The following PCDH7 variants were observed in gnomAD, a reference collection of about 807,000 sequenced individuals.
PCDH7 encodes protocadherin 7.
PCDH7 carries 17 observed loss-of-function variants against 58.9 expected under a neutral mutation model. That is an observed-to-expected ratio of 0.29 (90% CI 0.20 to 0.43). PCDH7 has a LOEUF of 0.43. PCDH7 is among the 20% of genes least tolerant of loss of function. The probability of loss-of-function intolerance (pLI) is 1.00; values close to 1 mark genes in which losing one functional copy is unlikely to be tolerated. For missense variants in PCDH7, 1,274 were observed against 1,441.0 expected, an observed-to-expected ratio of 0.88 and a Z score of 1.88; for synonymous variants, 664 against 616.4, an observed-to-expected ratio of 1.08 and a Z score of -1.14.
intron 3 of PCDH7, among the ~76,000 whole-genome samples, chr4:30,984,556 T>C (rs1483806192): frequency 2.6e-5 from 4 of 152,210 alleles, no homozygotes; most frequent in Non-Finnish European, 5.9e-5. Context: ...GATTCTGTGA[T>C]CGTTACTGTA....
At chr4:30,902,968 G>A (rs1560485449) in intron 1 of PCDH7, among the ~76,000 whole-genome samples, 1 of 151,922 alleles carries the variant, frequency 6.6e-6, no homozygotes, top group African/African-American at 2.4e-5. Flanking sequence ...ATTTACTATT[G>A]GATAATACAT....
chr4:31,025,797 C>T (rs970981501), intron 3 of PCDH7, among the ~76,000 whole-genome samples: 3 of 152,084 alleles, frequency 2.0e-5, no homozygotes, highest in African/African-American at 4.8e-5. Flanking sequence ...GTCCAGTCTT[C>T]GTAAATGTAA....
chr4:30,838,336 A>G (rs1284679729), intron 1 of PCDH7, among the ~76,000 whole-genome samples: 6 of 152,042 alleles, frequency 3.9e-5, no homozygotes, highest in African/African-American at 1.2e-4. Flanking sequence ...TTTTAACTCA[A>G]TGACTAGATC....
At chr4:30,833,350 T>C (rs955533908) in intron 1 of PCDH7, among the ~76,000 whole-genome samples, 9 of 152,102 alleles carry the variant, frequency 5.9e-5, no homozygotes, top group African/African-American at 2.2e-4. Flanking sequence ...TTGGCTGTAT[T>C]CCTTGGCTTA....
intron 3 of PCDH7, among the ~76,000 whole-genome samples, chr4:31,142,207 C>T (rs1720346395): frequency 6.6e-6 from 1 of 151,810 alleles, no homozygotes; most frequent in Admixed American, 6.6e-5. Context: ...CTGTAACAAA[C>T]ACACATATAT....
At chr4:31,118,706 A>G (rs1478912204) in intron 3 of PCDH7, among the ~76,000 whole-genome samples, 2 of 152,194 alleles carry the variant, frequency 1.3e-5, no homozygotes, top group East Asian at 3.8e-4. Context: ...ACAGATGAAG[A>G]CCTTCTAACC....
At chr4:30,887,998 C>A (rs1738061059) in intron 1 of PCDH7, among the ~76,000 whole-genome samples, 1 of 151,888 alleles carries the variant, frequency 6.6e-6, no homozygotes, top group Non-Finnish European at 1.5e-5. Flanking sequence ...GCCTCAGCCT[C>A]CCGAGTAGCT....
chr4:31,029,575 G>A (rs1754727674), intron 3 of PCDH7, among the ~76,000 whole-genome samples: 1 of 152,158 alleles, frequency 6.6e-6, no homozygotes, highest in East Asian at 1.9e-4. Context: ...GACAAGTCTT[G>A]GCTCATAGCT....
At chr4:30,843,645 A>G (rs1227855223) in intron 1 of PCDH7, among the ~76,000 whole-genome samples, 1 of 152,206 alleles carries the variant, frequency 6.6e-6, no homozygotes, top group African/African-American at 2.4e-5. Context: ...CCAAACATCT[A>G]TCTGAACTAA....
intron 3 of PCDH7, among the ~76,000 whole-genome samples, chr4:31,084,614 G>A (rs1712077619): frequency 6.8e-6 from 1 of 147,370 alleles, no homozygotes; most frequent in Admixed American, 6.9e-5. Flanking sequence ...CATGGTGGCA[G>A]GCAAAGGGAG....
In PCDH7 at chr4:31,056,450, GAAAGAAAGAA is replaced by G. The variant is rs1560608497; in HGVS notation, c.*8-86022_*8-86013del. Among the ~76,000 whole-genome samples the G allele has an allele frequency of 4.4e-3, 328 of 74,746 alleles. 12 individuals are homozygous for G. Among genetic ancestry groups the G allele is most frequent in the African/African-American group, 0.018 (314 of 17,296 alleles). The allele number at this position is 74,746 out of a possible 152,430, so 49.0% of individuals were successfully genotyped here. On this transcript the variant is annotated intron_variant, in intron 3 of 3. Transcript: ENST00000509759. ...AAAGAAAAAGAAAGAAGGAAAGAAA[GAAAGAAAGAA>G]GAAAGAAAGAAAGAAAGAAAGAAAG...
chr4:30,761,056 T>C (rs1321350421), intron 1 of PCDH7, among the ~76,000 whole-genome samples: 1 of 152,240 alleles, frequency 6.6e-6, no homozygotes, highest in Non-Finnish European at 1.5e-5. Flanking sequence ...CTCTGTTTAA[T>C]AGGCACCCCT....
intron 3 of PCDH7, among the ~76,000 whole-genome samples, chr4:31,090,052 C>A (rs902618823): frequency 6.6e-6 from 1 of 151,948 alleles, no homozygotes; most frequent in African/African-American, 2.4e-5. Flanking sequence ...CAAGTCATCA[C>A]CCCTTTCTCT....
intron 1 of PCDH7, among the ~76,000 whole-genome samples, chr4:30,810,411 A>G (rs1726818356): frequency 7.1e-6 from 1 of 140,676 alleles, no homozygotes; most frequent in Non-Finnish European, 1.5e-5. Flanking sequence ...TGCACTTAAT[A>G]TAATACATTT....
At chr4:31,109,853 T>C (rs1716059457) in intron 3 of PCDH7, among the ~76,000 whole-genome samples, 1 of 152,246 alleles carries the variant, frequency 6.6e-6, no homozygotes, top group South Asian at 2.1e-4. Flanking sequence ...AATGGATTTA[T>C]AAATTGGCTT....
chr4:30,973,833 A>G (rs1344615217), intron 3 of PCDH7, among the ~76,000 whole-genome samples: 1 of 152,006 alleles, frequency 6.6e-6, no homozygotes, highest in Non-Finnish European at 1.5e-5. Flanking sequence ...AAATGGATTG[A>G]GTTACTTTCT....
chr4:31,020,801 TC>T (rs1753963147), intron 3 of PCDH7, among the ~76,000 whole-genome samples: 1 of 152,190 alleles, frequency 6.6e-6, no homozygotes, highest in Admixed American at 6.5e-5. Flanking sequence ...ACTAGCCATT[TC>T]TTTGAGTAAT....
intron 3 of PCDH7, among the ~76,000 whole-genome samples, chr4:31,006,249 A>G (rs964788698): frequency 6.6e-6 from 1 of 152,184 alleles, no homozygotes; most frequent in East Asian, 1.9e-4. Flanking sequence ...TTTCACTTCC[A>G]TATATTCAGA....
At chr4:30,979,082 A>G (rs1750322185) in intron 3 of PCDH7, among the ~76,000 whole-genome samples, 1 of 151,876 alleles carries the variant, frequency 6.6e-6, no homozygotes, top group Non-Finnish European at 1.5e-5. Flanking sequence ...TTAAAAAAAA[A>G]TTGGGGGGCC....
Sources: gnomAD v4.1 joint callset for allele counts (sites outside exome capture counted in the v4.1 genomes callset) on GRCh38, gnomAD v4.1.1 for gene constraint, MANE v1.5 for transcripts, NCBI Gene and HGNC (gene_info 2026-07-23, HGNC 2026-07-21) for gene names.